Variants in KAZN observed in about 807,000 individuals in gnomAD.
KAZN encodes kazrin.
Under a neutral mutation model 87.4 loss-of-function variants are expected in KAZN, and 40 were observed. That is an observed-to-expected ratio of 0.46 (90% CI 0.36 to 0.60). The LOEUF (loss-of-function observed/expected upper bound fraction) is 0.60. Among genes scored for constraint, KAZN ranks in the 20% least tolerant of loss-of-function variants. KAZN has a pLI of 0.00. For synonymous variants in KAZN, 466 were observed against 458.3 expected (o/e 1.02, Z -0.22); for missense variants, 898 against 1,073.9 (o/e 0.84, Z 2.29).
At chr1:14,946,683 G>A (rs899708046) in intron 1 of KAZN, among the ~76,000 whole-genome samples, 26 of 152,230 alleles carry the variant, frequency 1.7e-4, no homozygotes, top group Admixed American at 2.6e-4. Context: ...CTGAGCCCCC[G>A]TTCACCTACT....
rs574964178 is a variant in KAZN, at chr1:15,085,548, G to A, written c.1223-8632G>A. Reference sequence around the variant, plus strand: ...TCGCCATGTTGCCCAGGCTGGTCTCGAACTCCTAGGCTCAAGCAAGCCTCC... The same window carrying A: ...TCGCCATGTTGCCCAGGCTGGTCTCAAACTCCTAGGCTCAAGCAAGCCTCC... On this transcript the variant is annotated intron_variant, in intron 8 of 14. Coordinates refer to ENST00000376030, the MANE Select transcript of KAZN (RefSeq NM_201628.3). Among the ~76,000 whole-genome samples, 83 of 152,136 alleles carry A rather than the reference G, an allele frequency of 5.5e-4. 1 individual carries two copies. Among genetic ancestry groups the A allele is most frequent in the Admixed American group, 7.8e-4 (12 of 15,294 alleles).
chr1:14,100,496 C>T, intron 1 of KAZN, among the ~76,000 whole-genome samples: 1 of 152,184 alleles, frequency 6.6e-6, no homozygotes, highest in East Asian at 1.9e-4. Context: ...CTGGGGGAAA[C>T]CAGGCTTGAG....
intron 2 of KAZN, among the ~76,000 whole-genome samples, chr1:14,589,290 C>T (rs1278238780): frequency 1.3e-5 from 2 of 148,316 alleles, no homozygotes; most frequent in East Asian, 2.0e-4. Context: ...AATATGATAT[C>T]GTAAATTGCT....
At chr1:13,929,889 T>C (rs1640441656) in intron 1 of KAZN, among the ~76,000 whole-genome samples, 1 of 152,206 alleles carries the variant, frequency 6.6e-6, no homozygotes, top group South Asian at 2.1e-4. Flanking sequence ...GTAGGTATTA[T>C]TGTTATATCC....
intron 2 of KAZN, among the ~76,000 whole-genome samples, chr1:14,379,131 G>A (rs1009083905): frequency 6.6e-6 from 1 of 150,700 alleles, no homozygotes; most frequent in Non-Finnish European, 1.5e-5. Context: ...CTAGACACAT[G>A]CTGGGCCAGA....
At chr1:14,545,194 A>C (rs1239629671) in intron 2 of KAZN, among the ~76,000 whole-genome samples, 2 of 152,160 alleles carry the variant, frequency 1.3e-5, no homozygotes, top group African/African-American at 2.4e-5. Flanking sequence ...CAGCTCCCCA[A>C]CCATTCTTTT....
At chr1:14,719,286 G>A (rs1374701124) in intron 1 of KAZN, among the ~76,000 whole-genome samples, 1 of 152,220 alleles carries the variant, frequency 6.6e-6, no homozygotes, top group African/African-American at 2.4e-5. Flanking sequence ...TTTACGCTGA[G>A]TGCATAGCAT....
At chr1:14,242,366 G>A (rs1355708177) in intron 2 of KAZN, among the ~76,000 whole-genome samples, 1 of 152,206 alleles carries the variant, frequency 6.6e-6, no homozygotes, top group Non-Finnish European at 1.5e-5. Flanking sequence ...TTGGGGGGAA[G>A]CCCAGCCAGT....
chr1:14,614,966 ATG>A (rs1678112035), intron 1 of KAZN, among the ~76,000 whole-genome samples: 1 of 152,222 alleles, frequency 6.6e-6, no homozygotes, highest in Non-Finnish European at 1.5e-5. Flanking sequence ...CGTAGGGATA[ATG>A]CTGGTCCTGA....
chr1:14,711,540 G>A (rs1642487315), intron 1 of KAZN, among the ~76,000 whole-genome samples: 1 of 152,116 alleles, frequency 6.6e-6, no homozygotes, highest in African/African-American at 2.4e-5. Context: ...GGTGGGGTGG[G>A]ACCTGTGATG....
chr1:13,905,156 TTTTA>T (rs1326789836), intron 1 of KAZN, among the ~76,000 whole-genome samples: 1 of 152,210 alleles, frequency 6.6e-6, no homozygotes, highest in Non-Finnish European at 1.5e-5. Context: ...TGATCATATG[TTTTA>T]TTTATTTAAT....
At chr1:13,930,531 A>G (rs1640469815) in intron 1 of KAZN, among the ~76,000 whole-genome samples, 1 of 152,070 alleles carries the variant, frequency 6.6e-6, no homozygotes, top group African/African-American at 2.4e-5. Context: ...CTCCCCTTCC[A>G]TTGAGCATCT....
intron 10 of KAZN, among the ~76,000 whole-genome samples, chr1:15,095,609 C>T (rs1424586353): frequency 6.6e-6 from 1 of 151,666 alleles, no homozygotes; most frequent in Non-Finnish European, 1.5e-5. Context: ...CCACCCCCAC[C>T]CCGCCCCACC....
intron 8 of KAZN, chr1:15,067,742 C>G (rs1177561875): frequency 4.1e-6 from 4 of 985,298 alleles, no homozygotes; most frequent in Middle Eastern, 5.2e-4. Flanking sequence ...CTCATAAGGA[C>G]TTTTCTGTCC....
chr1:14,926,410 G>A (rs537038110), intron 1 of KAZN, among the ~76,000 whole-genome samples: 2 of 152,288 alleles, frequency 1.3e-5, no homozygotes, highest in Admixed American at 1.3e-4. Context: ...TCTAGGGGTG[G>A]TTGTTATTCC....
intron 1 of KAZN, among the ~76,000 whole-genome samples, chr1:14,685,727 G>A (rs1003375018): frequency 1.1e-4 from 17 of 152,088 alleles, no homozygotes; most frequent in Non-Finnish European, 1.9e-4. Context: ...AGTTAGATAC[G>A]GTCAAGACAA....
At chr1:13,899,914 C>T (rs6677556) in intron 1 of KAZN, among the ~76,000 whole-genome samples, 26,727 of 151,936 alleles carry the variant, frequency 0.18, 2,989 homozygotes, top group Admixed American at 0.35. Context: ...AAAGTGTGCC[C>T]GGCCTATCTT....
chr1:14,040,777 A>T (rs868538359), intron 1 of KAZN, among the ~76,000 whole-genome samples: 3 of 106,736 alleles, frequency 2.8e-5, no homozygotes, highest in South Asian at 3.5e-4. Context: ...AAAAATTAAA[A>T]TAAAATAAAA....
chr1:14,322,628 G>T (rs1324588798), intron 2 of KAZN, among the ~76,000 whole-genome samples: 1 of 152,184 alleles, frequency 6.6e-6, no homozygotes, highest in Admixed American at 6.6e-5. Context: ...GGACATAAAT[G>T]GTGGCCAAAT....
Sources: allele counts gnomAD v4.1 joint callset (sites outside exome capture counted in the v4.1 genomes callset), GRCh38; gene constraint gnomAD v4.1.1; transcripts MANE v1.5; gene names NCBI Gene and HGNC (gene_info 2026-07-23, HGNC 2026-07-21).